The following EYA2 variants were observed in gnomAD, a reference collection of about 807,000 sequenced individuals.
The protein encoded by EYA2 is protein phosphatase EYA2.
A neutral mutation model predicts 69.2 loss-of-function variants in EYA2; 31 were observed. That is an observed-to-expected ratio of 0.45 (90% confidence interval 0.34 to 0.60). The LOEUF (loss-of-function observed/expected upper bound fraction) is 0.60, where lower values mean the gene tolerates loss of function less well. Ranked by LOEUF, EYA2 falls within the 20% of genes least tolerant of loss-of-function variation. EYA2 has a pLI of 0.02. For synonymous variants in EYA2, 257 were observed against 279.4 expected (o/e 0.92, Z 0.80); for missense variants, 622 against 701.2 (o/e 0.89, Z 1.28).
intron 1 of EYA2, among the ~76,000 whole-genome samples, chr20:46,986,266 GAT>G (rs150163131): frequency 6.8e-6 from 1 of 146,880 alleles, no homozygotes; most frequent in Non-Finnish European, 1.5e-5. Flanking sequence ...AAACACTGGA[GAT>G]ATATATATAA....
chr20:47,016,765 G>A (rs191163600), intron 5 of EYA2, among the ~76,000 whole-genome samples: 6 of 152,354 alleles, frequency 3.9e-5, no homozygotes, highest in Admixed American at 1.3e-4. Flanking sequence ...ATGTCTGGAT[G>A]TATTGGAGGC....
chr20:47,151,695 C>T (rs2033826470), intron 10 of EYA2, among the ~76,000 whole-genome samples: 1 of 151,976 alleles, frequency 6.6e-6, no homozygotes, highest in Non-Finnish European at 1.5e-5. Flanking sequence ...TAGATTCTGC[C>T]ATCATATGCT....
chr20:47,078,331 GCA>G (rs60383949), intron 7 of EYA2, among the ~76,000 whole-genome samples: 1,732 of 123,796 alleles, frequency 0.014, 12 homozygotes, highest in South Asian at 0.063. Context: ...GCGCGCGCGC[GCA>G]CACACACACA....
chr20:47,001,791 T>TC (rs988763139), intron 3 of EYA2, among the ~76,000 whole-genome samples: 2 of 151,508 alleles, frequency 1.3e-5, no homozygotes, highest in African/African-American at 4.8e-5. Flanking sequence ...TTCATTCTTT[T>TC]TTTTTTTTTT....
At chr20:47,142,636 C>T (rs1404398326) in intron 9 of EYA2, among the ~76,000 whole-genome samples, 4 of 152,232 alleles carry the variant, frequency 2.6e-5, no homozygotes, top group Admixed American at 6.5e-5. Context: ...AGAGACTCAA[C>T]ATCCCAACTC....
intron 9 of EYA2, among the ~76,000 whole-genome samples, chr20:47,124,360 A>T (rs2033125693): frequency 6.6e-6 from 1 of 152,206 alleles, no homozygotes; most frequent in Non-Finnish European, 1.5e-5. Context: ...ACTTATGTCA[A>T]GGGTGTGCTA....
chr20:47,144,133 G>A (rs1366273450), intron 10 of EYA2, among the ~76,000 whole-genome samples: 1 of 152,182 alleles, frequency 6.6e-6, no homozygotes, highest in Non-Finnish European at 1.5e-5. Context: ...CGAGGCGGGT[G>A]GATCACAAGG....
rs767756028 is a variant in EYA2, at chr20:47,173,509, TA to T, written c.1198+665del. On this transcript the variant is annotated intron_variant, in intron 12 of 15. Coordinates refer to ENST00000327619, the MANE Select transcript of EYA2 (RefSeq NM_005244.5). The stretch of plus-strand genomic sequence containing the variant: ...GCCTGGGCAACAAAGTGAGACCCCG[TA>T]AAAAAAAAAAAAAAAAAAAAAACGT... Among the ~76,000 whole-genome samples, 377 of 83,644 alleles carry T rather than the reference TA, an allele frequency of 4.5e-3. 1 individual carries two copies. The highest frequency in any genetic ancestry group is 0.011 in the Admixed American group (71 of 6,224). 54.9% of individuals were successfully genotyped at this position (83,644 alleles called of 152,430 possible). A position where few individuals can be genotyped will look rare whatever the true frequency, so the allele number is the denominator to read the frequency against.
chr20:47,027,089 C>T (rs1012260566), intron 5 of EYA2, among the ~76,000 whole-genome samples: 2 of 152,216 alleles, frequency 1.3e-5, no homozygotes, highest in South Asian at 4.1e-4. Context: ...CCACACAGAT[C>T]ACCTCCTTTG....
intron 1 of EYA2, among the ~76,000 whole-genome samples, chr20:46,910,745 G>C (rs1984604838): frequency 6.6e-6 from 1 of 152,194 alleles, no homozygotes; most frequent in Non-Finnish European, 1.5e-5. Context: ...CACAGAGGTT[G>C]CACACTGGCA....
At chr20:46,921,177 T>C (rs1043713094) in intron 1 of EYA2, among the ~76,000 whole-genome samples, 7 of 152,214 alleles carry the variant, frequency 4.6e-5, no homozygotes, top group Non-Finnish European at 2.9e-5. Flanking sequence ...CACAGGGCTG[T>C]GGAGACTTGG....
chr20:47,018,355 C>T (rs1983536369), intron 5 of EYA2, among the ~76,000 whole-genome samples: 1 of 152,176 alleles, frequency 6.6e-6, no homozygotes, highest in Non-Finnish European at 1.5e-5. Context: ...CACCTGGCAC[C>T]CTTCTAGGCA....
chr20:47,029,713 T>G (rs971638891), intron 5 of EYA2, among the ~76,000 whole-genome samples: 10 of 152,242 alleles, frequency 6.6e-5, no homozygotes, highest in African/African-American at 2.4e-4. Flanking sequence ...CACTAAGTTT[T>G]TATAACACTT....
intron 1 of EYA2, among the ~76,000 whole-genome samples, chr20:46,931,001 G>C (rs1190275042): frequency 6.6e-6 from 1 of 152,228 alleles, no homozygotes; most frequent in African/African-American, 2.4e-5. Flanking sequence ...TTAGGTGCCA[G>C]TGTGATAACC....
intron 5 of EYA2, among the ~76,000 whole-genome samples, chr20:47,055,976 C>A (rs1423448503): frequency 1.3e-5 from 2 of 152,204 alleles, no homozygotes; most frequent in East Asian, 3.8e-4. Context: ...CCCGCCACCC[C>A]TGCTCCTTCC....
At chr20:46,918,704 A>T (rs1985042149) in intron 1 of EYA2, among the ~76,000 whole-genome samples, 1 of 152,192 alleles carries the variant, frequency 6.6e-6, no homozygotes. Flanking sequence ...AACTCCTGCT[A>T]ATATTGATAT....
intron 5 of EYA2, among the ~76,000 whole-genome samples, chr20:47,058,833 T>C (rs1281992185): frequency 6.6e-6 from 1 of 152,054 alleles, no homozygotes; most frequent in Non-Finnish European, 1.5e-5. Context: ...GAGCAAGACC[T>C]AGTCTCTTAA....
intron 1 of EYA2, among the ~76,000 whole-genome samples, chr20:46,916,648 C>T (rs1179088075): frequency 1.3e-5 from 2 of 152,096 alleles, no homozygotes; most frequent in Non-Finnish European, 2.9e-5. Flanking sequence ...TCTAATGCCA[C>T]GTCAGTGAGC....
At chr20:46,923,013 A>G (rs1401570879) in intron 1 of EYA2, among the ~76,000 whole-genome samples, 1 of 152,190 alleles carries the variant, frequency 6.6e-6, no homozygotes, top group Non-Finnish European at 1.5e-5. Context: ...CCATTTCAAA[A>G]AAAGGTACCT....
Sources: gnomAD v4.1 joint callset for allele counts (sites outside exome capture counted in the v4.1 genomes callset) on GRCh38, gnomAD v4.1.1 for gene constraint, MANE v1.5 for transcripts, NCBI Gene and HGNC (gene_info 2026-07-23, HGNC 2026-07-21) for gene names.